MRPS6: variants seen among roughly 807,000 people sequenced by gnomAD.
MRPS6 encodes the protein mitochondrial ribosomal protein S6, also known as small ribosomal subunit protein bS6m.
A neutral mutation model predicts 13.1 loss-of-function variants in MRPS6; 6 were observed. The observed-to-expected ratio is 0.46, with a 90% CI of 0.25 to 0.91. The LOEUF (loss-of-function observed/expected upper bound fraction) is 0.91. Ranked by LOEUF, MRPS6 falls within the 40% of genes least tolerant of loss-of-function variation. The pLI, the probability that MRPS6 is intolerant of heterozygous loss-of-function variation, is 0.18. For missense variants in MRPS6, 164 were observed against 155.6 expected (o/e 1.05, Z -0.29); for synonymous variants, 61 against 56.5 (o/e 1.08, Z -0.36).
intron 1 of MRPS6, among the ~76,000 whole-genome samples, chr21:34,119,924 T>G (rs1980061543): frequency 6.6e-6 from 1 of 152,214 alleles, no homozygotes; most frequent in Admixed American, 6.5e-5. Flanking sequence ...CCCACCTTTT[T>G]GCTCTCATCT....
chr21:34,106,231 G>GT, intron 1 of MRPS6: 2 of 934,086 alleles, frequency 2.1e-6, no homozygotes, highest in South Asian at 1.0e-4. Flanking sequence ...TAGCAATTCT[G>GT]TACCAACTTT....
At chr21:34,116,959 G>A (rs747005834) in intron 1 of MRPS6, among the ~76,000 whole-genome samples, 2 of 152,126 alleles carry the variant, frequency 1.3e-5, no homozygotes, top group Non-Finnish European at 2.9e-5. Context: ...CTCCCCTGGG[G>A]CTCTGCAGAA....
intron 1 of MRPS6, among the ~76,000 whole-genome samples, chr21:34,090,188 G>A (rs2148657201): frequency 6.6e-6 from 1 of 152,316 alleles, no homozygotes; most frequent in South Asian, 2.1e-4. Context: ...CTGGAGTTCA[G>A]GCCAGTTATA....
At chr21:34,086,907 G>A (rs887489584) in intron 1 of MRPS6, among the ~76,000 whole-genome samples, 6 of 152,156 alleles carry the variant, frequency 3.9e-5, no homozygotes, top group Non-Finnish European at 8.8e-5. Context: ...GTTGCTTGCC[G>A]GCACTGACCT....
intron 1 of MRPS6, among the ~76,000 whole-genome samples, chr21:34,111,686 A>G (rs143424264): frequency 5.9e-5 from 9 of 152,306 alleles, no homozygotes; most frequent in African/African-American, 1.9e-4. Flanking sequence ...TAATAATGCA[A>G]CAAAATGAGA....
At chr21:34,098,933 GCT>G in intron 1 of MRPS6, 1 of 986,652 alleles carries the variant, frequency 1.0e-6, no homozygotes, top group African/African-American at 1.8e-5. Flanking sequence ...ATTTTACTAG[GCT>G]TGTATTTAGG....
intron 1 of MRPS6, chr21:34,094,989 A>T (rs908394419): frequency 1.2e-5 from 7 of 573,906 alleles, no homozygotes; most frequent in Non-Finnish European, 2.1e-5. Context: ...ATCCCAATTA[A>T]GAAGCGGAAA....
At chr21:34,116,902 T>A (rs778031344) in intron 1 of MRPS6, among the ~76,000 whole-genome samples, 76 of 152,268 alleles carry the variant, frequency 5.0e-4, no homozygotes, top group Non-Finnish European at 7.4e-4. Context: ...TTGTACCTAC[T>A]CCTTGGCCTC....
chr21:34,127,273 A>G (rs921710879), intron 2 of MRPS6, among the ~76,000 whole-genome samples: 5 of 152,078 alleles, frequency 3.3e-5, no homozygotes, highest in Non-Finnish European at 7.4e-5. Context: ...CTTTAAGCCT[A>G]TTTTCTGGGA....
intron 1 of MRPS6, among the ~76,000 whole-genome samples, chr21:34,112,817 T>A (rs1979757750): frequency 6.6e-6 from 1 of 152,156 alleles, no homozygotes; most frequent in East Asian, 1.9e-4. Flanking sequence ...TATTTGTCTT[T>A]CTTTGCCTGT....
intron 1 of MRPS6, chr21:34,100,353 A>G (rs1446597754): frequency 1.0e-4 from 104 of 1,000,084 alleles, no homozygotes; most frequent in Non-Finnish European, 1.2e-4. Flanking sequence ...CTTTCAGAAT[A>G]TTCTGTTCTG....
chr21:34,125,226 G>T, intron 1 of MRPS6, 115 bp from the exon 2 acceptor site: 5 of 1,447,400 alleles, frequency 3.5e-6, no homozygotes, highest in Non-Finnish European at 4.6e-6. Context: ...CTTTTACCCA[G>T]CGATTCCTAC....
At chr21:34,107,347 C>T (rs1979520799) in intron 1 of MRPS6, among the ~76,000 whole-genome samples, 1 of 152,200 alleles carries the variant, frequency 6.6e-6, no homozygotes, top group African/African-American at 2.4e-5. Flanking sequence ...GGCAGAAATA[C>T]AAAAGTGATG....
chr21:34,097,797 G>A, intron 1 of MRPS6: 1 of 1,000,248 alleles, frequency 1.0e-6, no homozygotes, highest in Non-Finnish European at 1.2e-6. Flanking sequence ...TTATTTCTTA[G>A]ACATTGTACA....
In MRPS6 at chr21:34,085,053, A is replaced by G. The variant is rs566752571; in HGVS notation, c.45+11308A>G. 7.9e-5 allele frequency among the ~76,000 whole-genome samples: 12 copies of G among 152,340 alleles called. No homozygotes were observed. In the East Asian group the frequency reaches 2.1e-3, roughly 27 times the overall value. On this transcript the variant is annotated intron_variant, in intron 1 of 2. Transcript: ENST00000399312. Reference sequence around the variant, plus strand: ...GGACATTGATACGATACTACCACCAAATATTCAATTCATATAGAAATTTAC... The same window carrying G: ...GGACATTGATACGATACTACCACCAGATATTCAATTCATATAGAAATTTAC...
chr21:34,136,042 C>A, intron 2 of MRPS6: 1 of 264,910 alleles, frequency 3.8e-6, no homozygotes. Context: ...GGGTCTCTAC[C>A]ACTGCTGGTG....
At chr21:34,120,908 T>C (rs1397178288) in intron 1 of MRPS6, among the ~76,000 whole-genome samples, 1 of 152,180 alleles carries the variant, frequency 6.6e-6, no homozygotes, top group Non-Finnish European at 1.5e-5. Context: ...AAAAGTGGCT[T>C]CAAGTTATGT....
At chr21:34,121,818 G>A (rs2148667877) in intron 1 of MRPS6, among the ~76,000 whole-genome samples, 1 of 152,238 alleles carries the variant, frequency 6.6e-6, no homozygotes, top group East Asian at 1.9e-4. Flanking sequence ...TAGATCTATA[G>A]GTTTCACCAA....
chr21:34,097,782 A>C (rs1979040697), intron 1 of MRPS6: 1 of 1,001,288 alleles, frequency 1.0e-6, no homozygotes, highest in Admixed American at 6.1e-5. Flanking sequence ...ACCATTAAGA[A>C]AAACTTATTT....
Sources: allele counts gnomAD v4.1 joint callset (sites outside exome capture counted in the v4.1 genomes callset), GRCh38; gene constraint gnomAD v4.1.1; transcripts MANE v1.5; gene names NCBI Gene and HGNC (gene_info 2026-07-23, HGNC 2026-07-21).